Variants in UNC13B observed in about 807,000 individuals in gnomAD.
UNC13B encodes the protein protein unc-13 homolog B.
UNC13B carries 144 observed loss-of-function variants against 211.0 expected under a neutral mutation model. That is an observed-to-expected ratio of 0.68 (90% CI 0.60 to 0.78). UNC13B has a LOEUF of 0.78. UNC13B is among the 30% of genes least tolerant of loss of function. UNC13B has a pLI of 0.00. For synonymous variants in UNC13B, 709 were observed against 725.8 expected, an observed-to-expected ratio of 0.98 and a Z score of 0.37; for missense variants, 1,777 against 2,002.0, an observed-to-expected ratio of 0.89 and a Z score of 2.14.
At chr9:35,397,338 C>A in intron 29 of UNC13B, 28 bp downstream of exon 29, 1 of 1,609,638 alleles carries the variant, frequency 6.2e-7, no homozygotes, top group Non-Finnish European at 8.5e-7. Context: ...TACTCCCTCC[C>A]CCTTACCACC....
intron 7 of UNC13B, among the ~76,000 whole-genome samples, chr9:35,275,214 G>T (rs1828103320): frequency 6.6e-6 from 1 of 152,016 alleles, no homozygotes; most frequent in Admixed American, 6.6e-5. Context: ...TAAAACTTTG[G>T]TCAGCTTGAC....
chr9:35,198,714 A>T (rs1823086500), intron 1 of UNC13B, among the ~76,000 whole-genome samples: 1 of 152,146 alleles, frequency 6.6e-6, no homozygotes, highest in Non-Finnish European at 1.5e-5. Context: ...CAAAATGTTG[A>T]TAGTGATATG....
chr9:35,352,073 T>A, intron 11 of UNC13B: 1 of 1,231,916 alleles, frequency 8.1e-7, no homozygotes, highest in Non-Finnish European at 1.0e-6. Context: ...CTGTGTAGAC[T>A]CAGTACTGAG....
chr9:35,365,191 A>T (rs1384787479), intron 11 of UNC13B, among the ~76,000 whole-genome samples: 1 of 152,168 alleles, frequency 6.6e-6, no homozygotes, highest in African/African-American at 2.4e-5. Flanking sequence ...CTTGAAGACC[A>T]TGAGGGTTTG....
chr9:35,377,284 G>A (rs1334108150), intron 15 of UNC13B, among the ~76,000 whole-genome samples, 184 bp from the exon 16 acceptor site: 2 of 152,158 alleles, frequency 1.3e-5, no homozygotes, highest in African/African-American at 4.8e-5. Flanking sequence ...GTAATGACTT[G>A]GCCAAAATCC....
chr9:35,205,777 A>T (rs1823609895), intron 1 of UNC13B, among the ~76,000 whole-genome samples: 1 of 152,152 alleles, frequency 6.6e-6, no homozygotes, highest in Non-Finnish European at 1.5e-5. Flanking sequence ...GGTATACTAT[A>T]ATTTGTTTAT....
At chr9:35,308,498 C>T in intron 9 of UNC13B, 86 bp downstream of exon 9, 1 of 397,628 alleles carries the variant, frequency 2.5e-6, no homozygotes, top group Non-Finnish European at 4.4e-6. Context: ...TTAATCATAG[C>T]TTGCTTTTTA....
intron 3 of UNC13B, among the ~76,000 whole-genome samples, chr9:35,235,259 G>T (rs1825430641): frequency 6.6e-6 from 1 of 152,152 alleles, no homozygotes; most frequent in East Asian, 1.9e-4. Flanking sequence ...ATTATCCCAT[G>T]GTAATAATTT....
chr9:35,375,489 G>A (rs1237736921), intron 14 of UNC13B, among the ~76,000 whole-genome samples: 1 of 152,178 alleles, frequency 6.6e-6, no homozygotes, highest in Non-Finnish European at 1.5e-5. Context: ...CGTGAATGCT[G>A]GAACAAGGCT....
intron 7 of UNC13B, among the ~76,000 whole-genome samples, chr9:35,291,759 C>A (rs1206185050): frequency 6.6e-6 from 1 of 152,150 alleles, no homozygotes; most frequent in Non-Finnish European, 1.5e-5. Context: ...TTGTGTTACC[C>A]ATCTTACAGG....
intron 22 of UNC13B, chr9:35,384,692 C>T: frequency 1.0e-6 from 1 of 985,372 alleles, no homozygotes; most frequent in South Asian, 4.7e-5. Context: ...TCCTCGTTTT[C>T]CAGCGGAGGT....
chr9:35,231,725 A>G (rs1191990720), intron 3 of UNC13B, among the ~76,000 whole-genome samples: 8 of 152,218 alleles, frequency 5.3e-5, no homozygotes, highest in Non-Finnish European at 1.5e-5. Flanking sequence ...AATGTCCTAT[A>G]TTCAATTAAT....
At chr9:35,353,922 A>G (rs1455906553) in intron 11 of UNC13B, 2 of 604,910 alleles carry the variant, frequency 3.3e-6, no homozygotes, top group Admixed American at 4.4e-5. Context: ...GTTGACGTCC[A>G]TAGCTTGAAT....
At chr9:35,163,619 C>G (rs1367700632) in intron 1 of UNC13B, among the ~76,000 whole-genome samples, 1 of 152,208 alleles carries the variant, frequency 6.6e-6, no homozygotes, top group Admixed American at 6.5e-5. Context: ...TGCTGTGTCT[C>G]TTGGACAGTT....
intron 7 of UNC13B, among the ~76,000 whole-genome samples, chr9:35,264,049 C>T (rs1827430699): frequency 6.6e-6 from 1 of 152,044 alleles, no homozygotes. Context: ...AAACAAATAC[C>T]AAAAAATTTG....
chr9:35,259,093 T>C (rs766199948), intron 7 of UNC13B, 43 bp downstream of exon 7: 1 of 1,596,544 alleles, frequency 6.3e-7, no homozygotes, highest in Non-Finnish European at 8.6e-7. Context: ...AATTGTAGCT[T>C]TCTGTCGCTT....
intron 1 of UNC13B, among the ~76,000 whole-genome samples, chr9:35,186,081 A>G (rs1293183804): frequency 6.6e-6 from 1 of 152,128 alleles, no homozygotes; most frequent in Non-Finnish European, 1.5e-5. Flanking sequence ...CTCATCATAC[A>G]GTGTTCCCTT....
At chr9:35,364,592 G>T (rs1345847275) in intron 11 of UNC13B, 4 of 1,534,966 alleles carry the variant, frequency 2.6e-6, no homozygotes, top group Non-Finnish European at 3.5e-6. Flanking sequence ...CCTTTGGGTC[G>T]TCCTTTTTTG....
chr9:35,233,882 C>T (rs1254349853), intron 3 of UNC13B, among the ~76,000 whole-genome samples: 1 of 152,118 alleles, frequency 6.6e-6, no homozygotes, highest in Non-Finnish European at 1.5e-5. Context: ...AGCTCTCAGA[C>T]CTCTCTTAGC....
Sources: gnomAD v4.1 joint callset for allele counts (sites outside exome capture counted in the v4.1 genomes callset) on GRCh38, gnomAD v4.1.1 for gene constraint, MANE v1.5 for transcripts, NCBI Gene and HGNC (gene_info 2026-07-23, HGNC 2026-07-21) for gene names.